GRID2: variants seen among roughly 807,000 people sequenced by gnomAD.
GRID2 encodes the protein glutamate receptor ionotropic, delta-2.
GRID2 carries 33 observed loss-of-function variants against 114.8 expected under a neutral mutation model. The observed-to-expected ratio is 0.29, with a 90% CI of 0.22 to 0.38. GRID2 has a LOEUF of 0.38. Ranked by LOEUF, GRID2 falls within the 10% of genes least tolerant of loss-of-function variation. GRID2 has a pLI of 1.00. For missense variants in GRID2, 1,184 were observed against 1,257.7 expected, an observed-to-expected ratio of 0.94 and a Z score of 0.89; for synonymous variants, 505 against 449.9, an observed-to-expected ratio of 1.12 and a Z score of -1.55.
At chr4:93,377,593 G>A (rs942274238) in intron 8 of GRID2, among the ~76,000 whole-genome samples, 4 of 152,124 alleles carry the variant, frequency 2.6e-5, no homozygotes, top group Non-Finnish European at 5.9e-5. Context: ...AGCTCAATAA[G>A]TTTAGACTTC....
chr4:92,992,429 A>G (rs1192267552), intron 2 of GRID2, among the ~76,000 whole-genome samples: 2 of 152,200 alleles, frequency 1.3e-5, no homozygotes, highest in Non-Finnish European at 1.5e-5. Flanking sequence ...TTTATATAAT[A>G]GCTAGGCACT....
chr4:92,614,249 T>C (rs1729894087), intron 2 of GRID2, among the ~76,000 whole-genome samples: 1 of 151,582 alleles, frequency 6.6e-6, no homozygotes. Flanking sequence ...TGAGACCAGT[T>C]TTCTTTTAGC....
intron 8 of GRID2, among the ~76,000 whole-genome samples, chr4:93,274,208 A>G (rs1397477381): frequency 6.6e-6 from 1 of 152,136 alleles, no homozygotes; most frequent in African/African-American, 2.4e-5. Flanking sequence ...ATAGTAGCCA[A>G]TAAAATCAAG....
chr4:92,316,700 G>T (rs1463485672), intron 1 of GRID2, among the ~76,000 whole-genome samples: 1 of 151,894 alleles, frequency 6.6e-6, no homozygotes, highest in East Asian at 1.9e-4. Flanking sequence ...AACGACTGTG[G>T]TCTACTATGG....
intron 1 of GRID2, among the ~76,000 whole-genome samples, chr4:92,362,293 G>A (rs1302410712): frequency 3.3e-5 from 5 of 152,024 alleles, no homozygotes; most frequent in Non-Finnish European, 5.9e-5. Context: ...GCAGAAGTTA[G>A]AATGTGCCAA....
intron 2 of GRID2, among the ~76,000 whole-genome samples, chr4:92,869,959 C>G (rs113039146): frequency 0.01 from 1,560 of 151,788 alleles, 8 homozygotes; most frequent in South Asian, 0.025. Context: ...TTTGGGAGAC[C>G]AAGGCAGAAC....
At chr4:92,342,496 G>C (rs565172856) in intron 1 of GRID2, among the ~76,000 whole-genome samples, 1 of 152,128 alleles carries the variant, frequency 6.6e-6, no homozygotes. Context: ...GCTCATTTTA[G>C]TTAAAGCATT....
chr4:93,564,574 A>G (rs972185898), intron 13 of GRID2, among the ~76,000 whole-genome samples: 2 of 152,094 alleles, frequency 1.3e-5, no homozygotes, highest in Non-Finnish European at 2.9e-5. Flanking sequence ...CTGCTTTTTA[A>G]TAAGTGGATG....
intron 1 of GRID2, among the ~76,000 whole-genome samples, chr4:92,526,407 G>T (rs528834571): frequency 4.6e-5 from 7 of 151,990 alleles, no homozygotes; most frequent in African/African-American, 1.7e-4. Flanking sequence ...GCAATGGAGC[G>T]ATCTCGGCTC....
In GRID2 at chr4:92,875,559, T is replaced by C. The variant is rs190750179; in HGVS notation, c.245-209436T>C. ...AACATCTGGAAATGTTTAATAAATATAATTTTACTGCATGTTAGAAAAATA... is the reference window on the plus strand; with the variant it reads ...AACATCTGGAAATGTTTAATAAATACAATTTTACTGCATGTTAGAAAAATA... On this transcript the variant is annotated intron_variant, in intron 2 of 15. Transcript: ENST00000282020. Among the ~76,000 whole-genome samples, 715 of 152,284 alleles carry C rather than the reference T, an allele frequency of 4.7e-3. 10 individuals carry two copies. Among genetic ancestry groups the C allele is most frequent in the African/African-American group, 0.016 (679 of 41,548 alleles).
chr4:92,319,835 A>C (rs1028474434), intron 1 of GRID2, among the ~76,000 whole-genome samples: 2 of 152,156 alleles, frequency 1.3e-5, no homozygotes, highest in Admixed American at 6.6e-5. Flanking sequence ...TTAGTTTTTC[A>C]GTTTTAATCA....
At chr4:92,899,993 G>T (rs1747454399) in intron 2 of GRID2, among the ~76,000 whole-genome samples, 1 of 152,230 alleles carries the variant, frequency 6.6e-6, no homozygotes, top group South Asian at 2.1e-4. Flanking sequence ...TCTAGAGATG[G>T]AGGGGAAAGG....
At chr4:93,314,267 G>T (rs567886634) in intron 8 of GRID2, among the ~76,000 whole-genome samples, 1 of 123,494 alleles carries the variant, frequency 8.1e-6, no homozygotes, top group Non-Finnish European at 1.6e-5. Flanking sequence ...ATCGTACACC[G>T]CATTCCAGCC....
At chr4:92,736,959 G>T (rs992634466) in intron 2 of GRID2, among the ~76,000 whole-genome samples, 3 of 152,098 alleles carry the variant, frequency 2.0e-5, no homozygotes, top group Non-Finnish European at 2.9e-5. Context: ...CAGAGAGGAT[G>T]TGGGGAGAGA....
chr4:92,832,574 A>G (rs1247035685), intron 2 of GRID2, among the ~76,000 whole-genome samples: 1 of 152,068 alleles, frequency 6.6e-6, no homozygotes, highest in Non-Finnish European at 1.5e-5. Flanking sequence ...GTGTAATTTT[A>G]GTAGAGACGG....
intron 4 of GRID2, among the ~76,000 whole-genome samples, chr4:93,149,594 A>G (rs990336266): frequency 1.3e-5 from 2 of 151,934 alleles, no homozygotes; most frequent in African/African-American, 4.8e-5. Context: ...AACAAAAACA[A>G]GTAACAACCT....
intron 4 of GRID2, among the ~76,000 whole-genome samples, chr4:93,185,801 G>T (rs1160544727): frequency 1.3e-5 from 2 of 152,030 alleles, no homozygotes; most frequent in Non-Finnish European, 1.5e-5. Flanking sequence ...CTACGTGCAG[G>T]TTTGTTACAT....
chr4:93,368,879 A>G (rs1028179936), intron 8 of GRID2, among the ~76,000 whole-genome samples: 33 of 152,204 alleles, frequency 2.2e-4, no homozygotes, highest in African/African-American at 8.0e-4. Flanking sequence ...AGTTTTAATA[A>G]TTTAAAAGAA....
chr4:92,939,218 C>T (rs1482479421), intron 2 of GRID2, among the ~76,000 whole-genome samples: 1 of 147,342 alleles, frequency 6.8e-6, no homozygotes, highest in Non-Finnish European at 1.5e-5. Context: ...ACATCCTCTC[C>T]AGCACCTGTT....
Sources: gnomAD v4.1 joint callset for allele counts (sites outside exome capture counted in the v4.1 genomes callset) on GRCh38, gnomAD v4.1.1 for gene constraint, MANE v1.5 for transcripts, NCBI Gene and HGNC (gene_info 2026-07-23, HGNC 2026-07-21) for gene names.